ZC3H12C: variants seen among roughly 807,000 people sequenced by gnomAD.
ZC3H12C encodes the protein zinc finger CCCH-type containing 12C.
Under a neutral mutation model 76.3 loss-of-function variants are expected in ZC3H12C, and 20 were observed. The ratio of observed to expected loss-of-function variants is 0.26; its 90% CI spans 0.18 to 0.38. The LOEUF (loss-of-function observed/expected upper bound fraction) is 0.38, where lower values mean the gene tolerates loss of function less well. Among genes scored for constraint, ZC3H12C ranks in the 10% least tolerant of loss-of-function variants. ZC3H12C has a pLI of 1.00. For synonymous variants in ZC3H12C, 352 were observed against 399.6 expected (o/e 0.88, Z 1.42); for missense variants, 874 against 1,086.5 (o/e 0.80, Z 2.75).
Position 110,163,191 on chromosome 11 carries a change from G to A in ZC3H12C, c.1149-82G>A, listed in dbSNP as rs1190310197. 3.2e-6 allele frequency: 4 copies of A among 1,241,010 alleles called. No homozygotes were observed. The Admixed American group carries it at 1.1e-4, about 35-fold the overall frequency. The allele number at this position is 1,241,010 out of a possible 1,614,324, so 76.9% of individuals were successfully genotyped here. A position where few individuals can be genotyped will look rare whatever the true frequency, so the allele number is the denominator to read the frequency against. ...AATTGCAAAAAAAATTCCTTATAGA[G>A]GGAACAAATCTTTGTACTCTTTTTA... On this transcript the variant is annotated intron_variant, in intron 4 of 5. Transcript: ENST00000278590.
At position 110,159,509 on chromosome 11, in the gene ZC3H12C, T is replaced by A; in HGVS notation, c.1148+19T>A. On this transcript the variant is annotated intron_variant, in intron 4 of 5. Coordinates refer to ENST00000278590, the MANE Select transcript of ZC3H12C (RefSeq NM_033390.2). The stretch of plus-strand genomic sequence containing the variant: ...ATGACAAGTAAGTAAAACCATTTAC[T>A]TGCCAATGATACTGCTTCTGTAAAA... The A allele has an allele frequency of 6.5e-7, 1 of 1,546,034 alleles. No individual in the cohort carries two copies. The highest frequency in any genetic ancestry group is 2.3e-5 in the East Asian group (1 of 43,176).
chr11:110,161,233 G>A (rs569468545), intron 4 of ZC3H12C, among the ~76,000 whole-genome samples: 137 of 152,278 alleles, frequency 9.0e-4, no homozygotes, highest in Middle Eastern at 6.8e-3. Flanking sequence ...AGCTTTGTTT[G>A]TACCAGCATC....
chr11:110,146,235 G>T (rs1565263595), intron 2 of ZC3H12C, among the ~76,000 whole-genome samples: 1 of 152,138 alleles, frequency 6.6e-6, no homozygotes. Flanking sequence ...TGATCCGCCC[G>T]CCTCAGCCTC....
At chr11:110,159,594 A>T in intron 4 of ZC3H12C, 104 bp downstream of exon 4, 1 of 980,532 alleles carries the variant, frequency 1.0e-6, no homozygotes, top group South Asian at 1.6e-5. Context: ...CAGACTTCAC[A>T]CAGGTTTCTA....
chr11:110,171,739 G>A lies in ZC3H12C; in HGVS notation c.*6002G>A, dbSNP rs1862684393. On this transcript the variant is annotated 3_prime_UTR_variant, in exon 6 of 6. Coordinates refer to ENST00000278590, the MANE Select transcript of ZC3H12C (RefSeq NM_033390.2). ...CTGCATTCAGTGGCTAACATTATGA[G>A]CATTGTGTAAGATAAACACATGGTC... 1 of 152,170 alleles carries A rather than the reference G, an allele frequency of 6.6e-6. No individual in the cohort carries two copies. 9.4% of individuals were successfully genotyped at this position (152,170 alleles called of 1,614,324 possible). A position where few individuals can be genotyped will look rare whatever the true frequency, so the allele number is the denominator to read the frequency against.
In ZC3H12C at chr11:110,171,010, T is replaced by G. The variant is rs1199310904; in HGVS notation, c.*5273T>G. The G allele has an allele frequency of 6.6e-6, 1 of 152,202 alleles. No homozygotes were observed. The allele number at this position is 152,202 out of a possible 1,614,324, so 9.4% of individuals were successfully genotyped here. A position where few individuals can be genotyped will look rare whatever the true frequency, so the allele number is the denominator to read the frequency against. ...GTATTGGCCATTTGGCAGTAGAAAATGTGCATGTTTTAACTTGGTTTTATA... is the reference window on the plus strand; with the variant it reads ...GTATTGGCCATTTGGCAGTAGAAAAGGTGCATGTTTTAACTTGGTTTTATA... On this transcript the variant is annotated 3_prime_UTR_variant, in exon 6 of 6. Transcript: ENST00000278590.
At chr11:110,098,450 CTT>C (rs1393184032) in intron 1 of ZC3H12C, among the ~76,000 whole-genome samples, 1 of 152,090 alleles carries the variant, frequency 6.6e-6, no homozygotes, top group African/African-American at 2.4e-5. Flanking sequence ...TTTCGATAAA[CTT>C]AGGGTAGCCT....
intron 1 of ZC3H12C, chr11:110,130,895 T>C (rs1008485974): frequency 1.3e-6 from 1 of 782,312 alleles, no homozygotes. Flanking sequence ...GAGGTTGTCT[T>C]GCATCTGCCC....
intron 1 of ZC3H12C, among the ~76,000 whole-genome samples, chr11:110,133,802 A>T (rs1445284726): frequency 1.3e-5 from 2 of 152,218 alleles, no homozygotes; most frequent in East Asian, 3.8e-4. Flanking sequence ...TTTTTAAAAC[A>T]TTAGATAGAA....
intron 2 of ZC3H12C, among the ~76,000 whole-genome samples, chr11:110,140,000 C>T (rs571906350): frequency 4.6e-5 from 7 of 150,630 alleles, no homozygotes; most frequent in South Asian, 2.1e-4. Context: ...GATGACTTGT[C>T]GTTAAGAAAA....
chr11:110,143,282 A>C (rs978896305), intron 2 of ZC3H12C, among the ~76,000 whole-genome samples: 1 of 152,198 alleles, frequency 6.6e-6, no homozygotes, highest in East Asian at 1.9e-4. Context: ...CCCCCTGCTT[A>C]AGGACTACGG....
chr11:110,135,146 G>A (rs558872601), intron 1 of ZC3H12C, among the ~76,000 whole-genome samples: 1 of 151,922 alleles, frequency 6.6e-6, no homozygotes, highest in Admixed American at 6.6e-5. Context: ...TTCAACTATC[G>A]CTGGCTTGCT....
Position 110,164,536 on chromosome 11 carries a change from G to C in ZC3H12C, c.1451G>C (p.Arg484Pro). The C allele has an allele frequency of 6.2e-7, 1 of 1,613,890 alleles. No individual in the cohort carries two copies. The highest frequency in any genetic ancestry group is 8.5e-7 in the Non-Finnish European group (1 of 1,179,856). ...GCTGATAGCACTTCTGATGTCAAACGAGGTGCTCCAAAGAGGCAATCAGAT... is the reference window on the plus strand; with the variant it reads ...GCTGATAGCACTTCTGATGTCAAACCAGGTGCTCCAAAGAGGCAATCAGAT... ...TKADSTSDVK[R>P]GAPKRQSDPS... Residue 484 changes from arginine to proline, a missense_variant, in exon 6 of 6, where the codon CGA becomes CCA. Physicochemically the swap from Arg to Pro is moderately radical, Grantham distance 103 (BLOSUM62 -2). Transcript: ENST00000278590. The surrounding 1 kb of genome is among the most constrained non-coding windows in gnomAD (Gnocchi z 5.7).
chr11:110,160,629 G>T (rs982328482), intron 4 of ZC3H12C, among the ~76,000 whole-genome samples: 10 of 151,978 alleles, frequency 6.6e-5, no homozygotes, highest in African/African-American at 2.4e-4. Flanking sequence ...TGTTCCCCTG[G>T]AAAGTCTCCA....
At chr11:110,093,468 G>A (rs771603048) in intron 1 of ZC3H12C, 36 bp downstream of exon 1, 6 of 1,194,894 alleles carry the variant, frequency 5.0e-6, no homozygotes, top group Middle Eastern at 2.9e-4. Flanking sequence ...GACGCGGACC[G>A]CGGCGAGAGT....
intron 1 of ZC3H12C, among the ~76,000 whole-genome samples, chr11:110,130,422 A>G (rs563766296): frequency 1.3e-5 from 2 of 152,332 alleles, no homozygotes; most frequent in East Asian, 3.9e-4. Flanking sequence ...ACAAATACTT[A>G]AAACTACACA....
At chr11:110,136,564 A>T in intron 1 of ZC3H12C, 99 bp from the exon 2 acceptor site, 1 of 1,303,020 alleles carries the variant, frequency 7.7e-7, no homozygotes, top group Non-Finnish European at 1.1e-6. Flanking sequence ...CAAAATACAA[A>T]GTATTTTGAG....
rs1176289354 is a variant in ZC3H12C at position 110,170,421 on chromosome 11, A to G, written c.*4684A>G. Reference sequence around the variant, plus strand: ...GGTTTTGGCTTCTAATAAATAACATATCTGCCATTCTTTAAAAATGATTTT... The same window carrying G: ...GGTTTTGGCTTCTAATAAATAACATGTCTGCCATTCTTTAAAAATGATTTT... On this transcript the variant is annotated 3_prime_UTR_variant, in exon 6 of 6. Transcript: ENST00000278590. The G allele has an allele frequency of 6.6e-6, 1 of 152,202 alleles. No homozygotes were observed. The highest frequency in any genetic ancestry group is 6.5e-5 in the Admixed American group (1 of 15,284). 9.4% of individuals were successfully genotyped at this position (152,202 alleles called of 1,614,324 possible).
intron 2 of ZC3H12C, among the ~76,000 whole-genome samples, chr11:110,150,760 A>T (rs1862258446): frequency 6.6e-6 from 1 of 151,696 alleles, no homozygotes; most frequent in South Asian, 2.1e-4. Flanking sequence ...ATGGTTGTGG[A>T]TTTTTTTCAT....
Sources: gnomAD v4.1 joint callset for allele counts (sites outside exome capture counted in the v4.1 genomes callset) on GRCh38, gnomAD v4.1.1 for gene constraint, Gnocchi (gnomAD v3.1) non-coding constraint, MANE v1.5 for transcripts, NCBI Gene and HGNC (gene_info 2026-07-23, HGNC 2026-07-21) for gene names.